The following HCRTR2 variants were observed in gnomAD, a reference collection of about 807,000 sequenced individuals.
HCRTR2 encodes hypocretin receptor 2, also known as orexin receptor type 2.
In HCRTR2, 22 loss-of-function variants were observed where a neutral mutation model predicts 49.0. That is an observed-to-expected ratio of 0.45 (90% CI 0.32 to 0.64). The LOEUF is 0.64. Among genes scored for constraint, HCRTR2 ranks in the 30% least tolerant of loss-of-function variants. The pLI is 0.04. For missense variants in HCRTR2, 491 were observed against 559.4 expected (o/e 0.88, Z 1.23); for synonymous variants, 236 against 205.3 (o/e 1.15, Z -1.28).
intron 1 of HCRTR2, among the ~76,000 whole-genome samples, chr6:55,127,470 C>A (rs935126043): frequency 6.6e-6 from 1 of 152,142 alleles, no homozygotes. Context: ...CTGCACTCTG[C>A]GTTGGACTTG....
intron 1 of HCRTR2, among the ~76,000 whole-genome samples, chr6:55,145,678 G>A (rs1243989085): frequency 6.6e-6 from 1 of 152,064 alleles, no homozygotes; most frequent in African/African-American, 2.4e-5. Context: ...GCCTCCGAAA[G>A]TGCTGGGATT....
chr6:55,230,443 T>C (rs1766092656), intron 1 of HCRTR2, among the ~76,000 whole-genome samples: 1 of 152,226 alleles, frequency 6.6e-6, no homozygotes, highest in Admixed American at 6.5e-5. Flanking sequence ...AAGAGTTTGC[T>C]TAACACTTTA....
intron 1 of HCRTR2, among the ~76,000 whole-genome samples, chr6:55,217,362 G>C (rs746296165): frequency 2.0e-5 from 3 of 152,134 alleles, no homozygotes; most frequent in Non-Finnish European, 2.9e-5. Context: ...TCATTTTGCT[G>C]TGATTCCCTT....
chr6:55,203,706 G>A (rs1487567145), intron 1 of HCRTR2, among the ~76,000 whole-genome samples: 3 of 152,034 alleles, frequency 2.0e-5, no homozygotes, highest in Non-Finnish European at 4.4e-5. Flanking sequence ...GTTATCCTAG[G>A]AAAGAACATT....
At position 55,241,861 on chromosome 6, in the gene HCRTR2, A is replaced by ATTTTTTTTTTTTTTTTTTTTTT; in HGVS notation, c.224-6776_224-6755dup. 8.3e-4 allele frequency among the ~76,000 whole-genome samples: 77 copies of ATTTTTTTTTTTTTTTTTTTTTT among 92,514 alleles called. 6 individuals are homozygous for ATTTTTTTTTTTTTTTTTTTTTT. Among genetic ancestry groups the ATTTTTTTTTTTTTTTTTTTTTT allele is most frequent in the African/African-American group, 1.4e-3 (32 of 22,966 alleles). The allele number at this position is 92,514 out of a possible 152,430, so 60.7% of individuals were successfully genotyped here. A position where few individuals can be genotyped will look rare whatever the true frequency, so the allele number is the denominator to read the frequency against. On this transcript the variant is annotated intron_variant, in intron 1 of 6. Transcript: ENST00000370862. Reference sequence around the variant, plus strand: ...GTAGTCTGTCTTACTATGGCAACTAATTTTTTTTTTTTTTTTTTTTTTTGT... The same window carrying ATTTTTTTTTTTTTTTTTTTTTT: ...GTAGTCTGTCTTACTATGGCAACTAATTTTTTTTTTTTTTTTTTTTTTTTTTTTTTTTTTTTTTTTTTTTTGT...
At chr6:55,239,092 G>T (rs900725767) in intron 1 of HCRTR2, among the ~76,000 whole-genome samples, 1 of 152,162 alleles carries the variant, frequency 6.6e-6, no homozygotes, top group Non-Finnish European at 1.5e-5. Flanking sequence ...AAAGATGTGG[G>T]TGACCAAAAG....
At chr6:55,115,652 T>C (rs1239943931) in intron 1 of HCRTR2, among the ~76,000 whole-genome samples, 3 of 151,658 alleles carry the variant, frequency 2.0e-5, no homozygotes, top group East Asian at 1.9e-4. Context: ...ATTGTTGTTA[T>C]TGTTATTCCA....
intron 1 of HCRTR2, among the ~76,000 whole-genome samples, chr6:55,191,388 A>G (rs1278694563): frequency 2.0e-5 from 3 of 152,154 alleles, no homozygotes; most frequent in Non-Finnish European, 2.9e-5. Flanking sequence ...GTCTTTCAGG[A>G]TTAAAATGAA....
intron 1 of HCRTR2, among the ~76,000 whole-genome samples, chr6:55,244,285 A>G (rs952627861): frequency 6.6e-6 from 1 of 152,042 alleles, no homozygotes; most frequent in African/African-American, 2.4e-5. Context: ...TTTATCCATT[A>G]AAGGAATTAA....
At chr6:55,151,449 A>G (rs1316599883) in intron 1 of HCRTR2, among the ~76,000 whole-genome samples, 1 of 151,994 alleles carries the variant, frequency 6.6e-6, no homozygotes, top group Non-Finnish European at 1.5e-5. Flanking sequence ...TTTGTTTATC[A>G]AGAGAAGCAG....
chr6:55,245,463 A>T, intron 1 of HCRTR2, among the ~76,000 whole-genome samples: 1 of 106,018 alleles, frequency 9.4e-6, no homozygotes, highest in Non-Finnish European at 1.8e-5. Context: ...AATACATAGG[A>T]AGATTTTATA....
chr6:55,172,832 G>A (rs1471927609), upstream of HCRTR2, among the ~76,000 whole-genome samples: 2 of 151,532 alleles, frequency 1.3e-5, no homozygotes, highest in East Asian at 3.9e-4. Flanking sequence ...GGAGGAGGGG[G>A]TGGGGTAGTT....
chr6:55,155,385 G>A (rs72977410), intron 1 of HCRTR2, among the ~76,000 whole-genome samples: 3,547 of 151,942 alleles, frequency 0.023, 59 homozygotes, highest in Non-Finnish European at 0.039. Flanking sequence ...CACTTAATGA[G>A]CTCTGAGCCA....
intron 1 of HCRTR2, among the ~76,000 whole-genome samples, chr6:55,195,700 G>C (rs1404405531): frequency 6.6e-6 from 1 of 152,042 alleles, no homozygotes; most frequent in Non-Finnish European, 1.5e-5. Flanking sequence ...GGCCGGGCGT[G>C]GTGGCTCACA....
At chr6:55,220,938 C>T (rs1765878002) in intron 1 of HCRTR2, among the ~76,000 whole-genome samples, 1 of 152,038 alleles carries the variant, frequency 6.6e-6, no homozygotes, top group South Asian at 2.1e-4. Context: ...ACATTACAAT[C>T]CCACTTACAA....
At chr6:55,196,596 A>G (rs773058271) in intron 1 of HCRTR2, among the ~76,000 whole-genome samples, 28 of 152,274 alleles carry the variant, frequency 1.8e-4, no homozygotes, top group Middle Eastern at 3.4e-3. Flanking sequence ...GCTCCTTCCC[A>G]GTTACCTGAG....
Position 55,120,660 on chromosome 6 carries a change from G to A in HCRTR2, c.-378+14115G>A, listed in dbSNP as rs923589435. 7.1e-3 allele frequency among the ~76,000 whole-genome samples: 1,023 copies of A among 144,052 alleles called. 1 individual carries two copies. Among genetic ancestry groups the A allele is most frequent in the African/African-American group, 0.028 (938 of 34,070 alleles). 94.5% of individuals were successfully genotyped at this position (144,052 alleles called of 152,430 possible). A position where few individuals can be genotyped will look rare whatever the true frequency, so the allele number is the denominator to read the frequency against. ...GCTTACGGAGATTTGGAGCTGAGAT[G>A]ATAGGGTTTTCTAAATATACAATCA... On this transcript the variant is annotated intron_variant, in intron 1 of 7. Transcript: ENST00000615358.
At chr6:55,222,513 T>TA in intron 1 of HCRTR2, among the ~76,000 whole-genome samples, 1 of 152,184 alleles carries the variant, frequency 6.6e-6, no homozygotes, top group Non-Finnish European at 1.5e-5. Context: ...TTATTTACAA[T>TA]AGTCAAGAGG....
At chr6:55,225,539 T>G (rs1765986726) in intron 1 of HCRTR2, among the ~76,000 whole-genome samples, 1 of 152,192 alleles carries the variant, frequency 6.6e-6, no homozygotes, top group African/African-American at 2.4e-5. Context: ...TGAGAGATTC[T>G]AATATAATCT....
Sources: gnomAD v4.1 joint callset for allele counts (sites outside exome capture counted in the v4.1 genomes callset) on GRCh38, gnomAD v4.1.1 for gene constraint, MANE v1.5 for transcripts, NCBI Gene and HGNC (gene_info 2026-07-23, HGNC 2026-07-21) for gene names.